FHL5: variants seen among roughly 807,000 people sequenced by gnomAD.
The protein encoded by FHL5 is four and a half LIM domains 5, also known as four and a half LIM domains protein 5.
FHL5 carries 33 observed loss-of-function variants against 32.0 expected under a neutral mutation model. That is an observed-to-expected ratio of 1.03 (90% CI 0.78 to 1.38). FHL5 has a LOEUF of 1.38. FHL5 is among the 40% of genes most tolerant of loss of function. The probability of loss-of-function intolerance (pLI) is 0.00; values close to 1 mark genes in which losing one functional copy is unlikely to be tolerated. For synonymous variants in FHL5, 114 were observed against 113.6 expected, an observed-to-expected ratio of 1.00 and a Z score of -0.02; for missense variants, 336 against 343.9, an observed-to-expected ratio of 0.98 and a Z score of 0.18.
intron 2 of FHL5, among the ~76,000 whole-genome samples, chr6:96,604,024 TC>T (rs1273926366): frequency 1.3e-5 from 2 of 152,200 alleles, no homozygotes; most frequent in African/African-American, 4.8e-5. Context: ...AAGCTATTTG[TC>T]CAAAGTTACA....
intron 1 of FHL5, among the ~76,000 whole-genome samples, chr6:96,594,113 C>T (rs572182686): frequency 6.7e-6 from 1 of 150,258 alleles, no homozygotes; most frequent in African/African-American, 2.4e-5. Flanking sequence ...CCCACAGGGA[C>T]TTTATTATAC....
At chr6:96,583,132 C>G (rs1283592229) in intron 1 of FHL5, among the ~76,000 whole-genome samples, 1 of 152,092 alleles carries the variant, frequency 6.6e-6, no homozygotes, top group East Asian at 1.9e-4. Context: ...CAATGCTCTT[C>G]TTGGTATTTA....
chr6:96,606,503 C>G (rs1771284228), intron 4 of FHL5, among the ~76,000 whole-genome samples: 1 of 152,056 alleles, frequency 6.6e-6, no homozygotes, highest in Non-Finnish European at 1.5e-5. Context: ...AGGTGCGTGC[C>G]ACTGTGTCCA....
intron 5 of FHL5, among the ~76,000 whole-genome samples, chr6:96,613,049 T>C (rs1171129503): frequency 6.6e-6 from 1 of 152,176 alleles, no homozygotes; most frequent in Non-Finnish European, 1.5e-5. Flanking sequence ...ATAGTGACTA[T>C]AGTTAACAAC....
rs759599188 is a variant in FHL5 at position 96,615,793 on chromosome 6, A to G, written c.*21A>G. ...TCTAGGAGACAGTCCTTGCCCACCT[A>G]AAATCCATTTTGCCTTCGTTGTCAC... On this transcript the variant is annotated 3_prime_UTR_variant, in exon 6 of 6. Transcript: ENST00000450218. 4 of 1,548,362 alleles carry G rather than the reference A, an allele frequency of 2.6e-6. No individual in the cohort carries two copies. The South Asian group carries it at 4.9e-5, about 19-fold the overall frequency.
Position 96,610,696 on chromosome 6 carries a change from G to A in FHL5, c.629G>A (p.Cys210Tyr), listed in dbSNP as rs1208659557. 16 of 1,613,812 alleles carry A rather than the reference G, an allele frequency of 9.9e-6. No individual in the cohort carries two copies. In the Admixed American group the frequency reaches 1.3e-4, roughly 13 times the overall value. Residue 210 changes from cysteine to tyrosine, a missense_variant, in exon 5 of 6, where the codon TGC becomes TAC. Coordinates refer to ENST00000450218, the MANE Select transcript of FHL5 (RefSeq NM_001322466.2). ...ATGTCCAGAGACGACTATCCATTCT[G>A]CGTGGACTGCTACAACCATCTTTAT... is the stretch of plus-strand genomic sequence containing the variant. ...QFMSRDDYPF[C>Y]VDCYNHLYAN... is the part of the protein sequence containing the mutation.
At chr6:96,570,452 C>T (rs1182804185) in intron 1 of FHL5, among the ~76,000 whole-genome samples, 1 of 152,100 alleles carries the variant, frequency 6.6e-6, no homozygotes, top group African/African-American at 2.4e-5. Context: ...TCTAAGAGGA[C>T]CTTTTTGGGG....
intron 1 of FHL5, among the ~76,000 whole-genome samples, chr6:96,602,426 CT>C (rs1168636713): frequency 3.6e-4 from 12 of 33,702 alleles, no homozygotes; most frequent in East Asian, 1.2e-3. Context: ...TGCGTTGTTT[CT>C]TTTTTTTTTT....
upstream of FHL5, chr6:96,563,024 C>G (rs1196119908): frequency 6.6e-6 from 1 of 152,180 alleles, no homozygotes; most frequent in Non-Finnish European, 1.5e-5. Context: ...TAGCCAGATA[C>G]TTCGAATGCT....
At position 96,584,909 on chromosome 6, in the gene FHL5, G is replaced by T. The variant is rs147564889; in HGVS notation, c.-12-18693G>T. 1.4e-3 allele frequency among the ~76,000 whole-genome samples: 218 copies of T among 151,294 alleles called. 4 individuals are homozygous for T. The South Asian group carries it at 0.033, about 23-fold the overall frequency. On this transcript the variant is annotated intron_variant, in intron 1 of 5. Coordinates refer to ENST00000450218, the MANE Select transcript of FHL5 (RefSeq NM_001322466.2). ...CATAAATGTGTGGGGAGTGTAGGGA[G>T]GAAAAGAGAATGAAACATTTGCCTT... is the stretch of plus-strand genomic sequence containing the variant.
At chr6:96,565,033 A>G (rs1041435180) in intron 1 of FHL5, among the ~76,000 whole-genome samples, 11 of 152,050 alleles carry the variant, frequency 7.2e-5, no homozygotes, top group African/African-American at 2.7e-4. Context: ...GGTCGTGGGG[A>G]TCACTTGAGC....
At chr6:96,596,722 T>C (rs1441802863) in intron 1 of FHL5, among the ~76,000 whole-genome samples, 1 of 152,136 alleles carries the variant, frequency 6.6e-6, no homozygotes. Flanking sequence ...TCCAGGAAAA[T>C]AGTCTAAACT....
chr6:96,611,939 T>C (rs1026057644), intron 5 of FHL5, among the ~76,000 whole-genome samples: 1 of 152,308 alleles, frequency 6.6e-6, no homozygotes, highest in East Asian at 1.9e-4. Flanking sequence ...AAATAACTAA[T>C]GTAAAATCCA....
At chr6:96,603,897 T>A in intron 2 of FHL5, 125 bp downstream of exon 2, 1 of 729,588 alleles carries the variant, frequency 1.4e-6, no homozygotes, top group Non-Finnish European at 2.2e-6. Context: ...ATAAGGATCT[T>A]AAAAGTTACC....
chr6:96,575,717 T>A (rs548614552), intron 1 of FHL5, among the ~76,000 whole-genome samples: 2 of 152,222 alleles, frequency 1.3e-5, no homozygotes, highest in African/African-American at 4.8e-5. Flanking sequence ...CCAGGGGGAA[T>A]GAGAAGTTCT....
chr6:96,584,435 A>ATGTGTGTGTG (rs141920939), intron 1 of FHL5, among the ~76,000 whole-genome samples: 1 of 146,772 alleles, frequency 6.8e-6, no homozygotes, highest in African/African-American at 2.5e-5. Flanking sequence ...CAGGTGGGAT[A>ATGTGTGTGTG]TGTGTGTGTG....
At chr6:96,608,721 C>T (rs895795096) in intron 4 of FHL5, among the ~76,000 whole-genome samples, 12 of 152,116 alleles carry the variant, frequency 7.9e-5, no homozygotes, top group African/African-American at 2.7e-4. Flanking sequence ...CCCACTTTTT[C>T]ACAGAACAAA....
chr6:96,609,244 G>A (rs558872393), intron 4 of FHL5, among the ~76,000 whole-genome samples: 6 of 152,132 alleles, frequency 3.9e-5, no homozygotes, highest in South Asian at 2.1e-4. Context: ...ACAACGAGGC[G>A]GCTTAAAATA....
intron 1 of FHL5, among the ~76,000 whole-genome samples, chr6:96,567,822 A>ATTATTTT (rs1770390999): frequency 1.2e-5 from 1 of 83,352 alleles, no homozygotes; most frequent in Non-Finnish European, 2.6e-5. Flanking sequence ...TGGTTTTTGT[A>ATTATTTT]TTCTTTTTTT....
Sources: gnomAD v4.1 joint callset for allele counts (sites outside exome capture counted in the v4.1 genomes callset) on GRCh38, gnomAD v4.1.1 for gene constraint, MANE v1.5 for transcripts, NCBI Gene and HGNC (gene_info 2026-07-23, HGNC 2026-07-21) for gene names.